Variants in KCNAB1 observed in about 807,000 individuals in gnomAD.
KCNAB1 encodes the protein potassium voltage-gated channel subfamily A regulatory beta subunit 1, also known as voltage-gated potassium channel subunit beta-1.
Under a neutral mutation model 64.6 loss-of-function variants are expected in KCNAB1, and 35 were observed. The observed-to-expected ratio is 0.54, with a 90% confidence interval of 0.41 to 0.72. The LOEUF is 0.72. Ranked by LOEUF, KCNAB1 falls within the 30% of genes least tolerant of loss-of-function variation. The probability of loss-of-function intolerance (pLI) is 0.00; values close to 1 mark genes in which losing one functional copy is unlikely to be tolerated. For synonymous variants in KCNAB1, 177 were observed against 183.8 expected (o/e 0.96, Z 0.30); for missense variants, 401 against 512.9 (o/e 0.78, Z 2.11).
chr3:156,198,312 T>A (rs1304208837), intron 1 of KCNAB1, among the ~76,000 whole-genome samples: 1 of 152,198 alleles, frequency 6.6e-6, no homozygotes, highest in East Asian at 1.9e-4. Context: ...GTCTGCTTGG[T>A]TCAGAGCTGA....
At chr3:156,423,135 T>C (rs1298180709) in intron 2 of KCNAB1, among the ~76,000 whole-genome samples, 1 of 151,380 alleles carries the variant, frequency 6.6e-6, no homozygotes, top group Non-Finnish European at 1.5e-5. Flanking sequence ...AAGGCTACTC[T>C]TTTGGATGAT....
intron 8 of KCNAB1, among the ~76,000 whole-genome samples, chr3:156,487,378 T>C (rs1280372863): frequency 6.6e-6 from 1 of 152,108 alleles, no homozygotes; most frequent in Non-Finnish European, 1.5e-5. Flanking sequence ...GTTCAAATAG[T>C]GGAAAATATT....
At chr3:156,166,076 C>T (rs1711541682) in intron 1 of KCNAB1, among the ~76,000 whole-genome samples, 1 of 152,160 alleles carries the variant, frequency 6.6e-6, no homozygotes, top group South Asian at 2.1e-4. Context: ...GTTCAGCGAA[C>T]ATTTGTATAT....
At chr3:156,133,766 C>T (rs573836274) in intron 1 of KCNAB1, among the ~76,000 whole-genome samples, 5 of 152,322 alleles carry the variant, frequency 3.3e-5, no homozygotes, top group African/African-American at 1.2e-4. Context: ...GGAAAAAATA[C>T]ACTTAAGATG....
chr3:156,342,585 CTTTT>C (rs60982892), intron 1 of KCNAB1, among the ~76,000 whole-genome samples: 951 of 86,276 alleles, frequency 0.011, 14 homozygotes, highest in African/African-American at 0.033. Flanking sequence ...CTATGTGTTT[CTTTT>C]TTTTTTTTTT....
intron 1 of KCNAB1, among the ~76,000 whole-genome samples, chr3:156,317,722 C>T (rs1301032903): frequency 1.3e-5 from 2 of 152,078 alleles, no homozygotes; most frequent in Admixed American, 1.3e-4. Flanking sequence ...AATAGCCTTG[C>T]AAATAATTTT....
intron 1 of KCNAB1, among the ~76,000 whole-genome samples, chr3:156,344,273 G>T (rs1456525656): frequency 6.6e-6 from 1 of 152,160 alleles, no homozygotes; most frequent in Admixed American, 6.5e-5. Flanking sequence ...CCTCTCTAAG[G>T]AAAAGGGGAG....
At chr3:156,496,177 G>A (rs1313877509) in intron 8 of KCNAB1, among the ~76,000 whole-genome samples, 2 of 152,234 alleles carry the variant, frequency 1.3e-5, no homozygotes, top group Middle Eastern at 3.4e-3. Flanking sequence ...CACAATATTT[G>A]TAAAGATTTA....
intron 2 of KCNAB1, among the ~76,000 whole-genome samples, chr3:156,423,447 T>C (rs1715599596): frequency 6.6e-6 from 1 of 152,310 alleles, no homozygotes; most frequent in Non-Finnish European, 1.5e-5. Context: ...TCTCTTCTAT[T>C]GCTTTTATAT....
At chr3:156,467,890 T>C (rs1266453303) in intron 7 of KCNAB1, among the ~76,000 whole-genome samples, 2 of 152,132 alleles carry the variant, frequency 1.3e-5, no homozygotes, top group Non-Finnish European at 2.9e-5. Context: ...TATCTCCTTA[T>C]TTATATATTT....
At chr3:156,512,879 A>G (rs1040183379) in intron 8 of KCNAB1, among the ~76,000 whole-genome samples, 6 of 152,236 alleles carry the variant, frequency 3.9e-5, no homozygotes, top group African/African-American at 1.4e-4. Context: ...GAATGAAAGC[A>G]TTTCCATCTT....
At chr3:156,126,947 T>A (rs1713693568) in intron 1 of KCNAB1, among the ~76,000 whole-genome samples, 1 of 152,210 alleles carries the variant, frequency 6.6e-6, no homozygotes, top group African/African-American at 2.4e-5. Context: ...GCTATTATCA[T>A]GAGATTGTTA....
chr3:156,536,643 T>C lies in KCNAB1; in HGVS notation c.1171-15T>C. 2 of 1,562,666 alleles carry C rather than the reference T, an allele frequency of 1.3e-6. No individual in the cohort carries two copies. The highest frequency in any genetic ancestry group is 1.8e-6 in the Non-Finnish European group (2 of 1,133,100). On this transcript the variant is annotated splice_polypyrimidine_tract_variant and intron_variant, in intron 13 of 13. Transcript: ENST00000490337. ...CTGCTAACAATATCCTTTGTACTTC[T>C]CCTCCTGCTCTCAGGTTCTCCCAAA...
intron 1 of KCNAB1, chr3:156,176,631 A>G: frequency 2.0e-6 from 2 of 1,002,372 alleles, no homozygotes; most frequent in Admixed American, 1.7e-5. Context: ...TAGACATTCC[A>G]CAACAATATC....
chr3:156,243,227 TA>T, intron 1 of KCNAB1, among the ~76,000 whole-genome samples: 1 of 149,028 alleles, frequency 6.7e-6, no homozygotes, highest in Admixed American at 6.7e-5. Context: ...CTTATTTTTT[TA>T]AATTTTTTAT....
intron 1 of KCNAB1, among the ~76,000 whole-genome samples, chr3:156,204,452 T>C (rs1005988595): frequency 6.6e-6 from 1 of 152,232 alleles, no homozygotes; most frequent in African/African-American, 2.4e-5. Context: ...ATAGGCATTT[T>C]CAAAGTTACC....
chr3:156,368,558 A>G lies in KCNAB1; in HGVS notation c.276-53058A>G, dbSNP rs550299476. Among the ~76,000 whole-genome samples the G allele has an allele frequency of 1.2e-4, 19 of 152,094 alleles. 1 individual carries two copies. The highest frequency in any genetic ancestry group is 1.2e-3 in the Admixed American group (18 of 15,268). On this transcript the variant is annotated intron_variant, in intron 1 of 13. Transcript: ENST00000490337. ...CCTCACCTTGGCCTCTCAAAACATC[A>G]CCCTTTGTTGTTATTTTCAACTGTT...
At chr3:156,265,511 T>G (rs1421692877) in intron 1 of KCNAB1, among the ~76,000 whole-genome samples, 1 of 152,192 alleles carries the variant, frequency 6.6e-6, no homozygotes, top group Non-Finnish European at 1.5e-5. Context: ...GATTCTTTCA[T>G]GTGGACGTGA....
chr3:156,426,841 GA>G (rs938301866), intron 2 of KCNAB1, among the ~76,000 whole-genome samples: 2 of 151,762 alleles, frequency 1.3e-5, no homozygotes, highest in Non-Finnish European at 2.9e-5. Context: ...CTACATTTTG[GA>G]AAAAAAATTC....
Sources: gnomAD v4.1 joint callset for allele counts (sites outside exome capture counted in the v4.1 genomes callset) on GRCh38, gnomAD v4.1.1 for gene constraint, MANE v1.5 for transcripts, NCBI Gene and HGNC (gene_info 2026-07-23, HGNC 2026-07-21) for gene names.